Variants in PIEZO2 observed in about 807,000 individuals in gnomAD.
PIEZO2 encodes piezo-type mechanosensitive ion channel component 2.
Under a neutral mutation model 337.3 loss-of-function variants are expected in PIEZO2, and 172 were observed. That is an observed-to-expected ratio of 0.51 (90% CI 0.45 to 0.58). PIEZO2 has a LOEUF of 0.58. PIEZO2 is among the 20% of genes least tolerant of loss of function. The pLI is 0.00. For synonymous variants in PIEZO2, 1,251 were observed against 1,228.5 expected (o/e 1.02, Z -0.38); for missense variants, 3,028 against 3,391.3 (o/e 0.89, Z 2.66).
chr18:11,106,023 T>G (rs190624175), intron 1 of PIEZO2, among the ~76,000 whole-genome samples: 1 of 152,322 alleles, frequency 6.6e-6, no homozygotes, highest in African/African-American at 2.4e-5. Flanking sequence ...ATTTTGGCCA[T>G]TGTTCTCTTA....
At chr18:10,769,761 A>C (rs2038519629) in intron 21 of PIEZO2, 1 of 163,758 alleles carries the variant, frequency 6.1e-6, no homozygotes, top group South Asian at 1.9e-4. Context: ...ACTCTACTAA[A>C]GATTTTATTA....
In PIEZO2 at chr18:10,759,207, G is replaced by A. The variant is rs962164650; in HGVS notation, c.3757+275C>T. Among the ~76,000 whole-genome samples, 1 of 55,050 alleles carries A rather than the reference G, an allele frequency of 1.8e-5. No individual in the cohort carries two copies. The highest frequency in any genetic ancestry group is 3.9e-5 in the Non-Finnish European group (1 of 25,456). 36.1% of individuals were successfully genotyped at this position (55,050 alleles called of 152,430 possible). On this transcript the variant is annotated intron_variant, in intron 26 of 55. Transcript: ENST00000674853. This position sits in a 1 kb window ranked among gnomAD's most constrained non-coding sequence, Gnocchi z 5.5. ...TTTTGAAAGGTGGCTGTGTAAATGT[G>A]TGTGTGTGTGTGTGTGTGTGTTTGT... is the stretch of plus-strand genomic sequence containing the variant.
rs377236510 is a variant in PIEZO2, at chr18:10,839,093, C to G, written c.917+16260G>C. ...TTCCTCTGATGAGTTACATGTCAACCAACAGCTCTGCAAGGCATCTGCTAT... is the reference window on the plus strand; with the variant it reads ...TTCCTCTGATGAGTTACATGTCAACGAACAGCTCTGCAAGGCATCTGCTAT... On this transcript the variant is annotated intron_variant, in intron 7 of 55. Transcript: ENST00000674853. 4.1e-4 allele frequency among the ~76,000 whole-genome samples: 62 copies of G among 152,234 alleles called. No individual in the cohort carries two copies. In the East Asian group the frequency reaches 8.1e-3, roughly 20 times the overall value.
At chr18:10,774,280 A>G (rs1179268137) in intron 18 of PIEZO2, among the ~76,000 whole-genome samples, 1 of 152,184 alleles carries the variant, frequency 6.6e-6, no homozygotes, top group African/African-American at 2.4e-5. Context: ...TAAAGGAGAG[A>G]GCATACTGAG....
chr18:11,084,566 C>G (rs1440006124), intron 1 of PIEZO2, among the ~76,000 whole-genome samples: 1 of 152,174 alleles, frequency 6.6e-6, no homozygotes, highest in East Asian at 1.9e-4. Flanking sequence ...TCTCATCCCT[C>G]CCGCTTGAAT....
chr18:10,948,896 CATAACA>C (rs1229116726), intron 3 of PIEZO2, among the ~76,000 whole-genome samples: 1 of 152,180 alleles, frequency 6.6e-6, no homozygotes, highest in Non-Finnish European at 1.5e-5. Context: ...CCTTCACTTT[CATAACA>C]ATATATGTGA....
At chr18:10,680,490 A>G (rs1022590494) in intron 51 of PIEZO2, 119 bp from the exon 52 acceptor site, 22 of 938,320 alleles carry the variant, frequency 2.3e-5, no homozygotes, top group Non-Finnish European at 3.1e-5. Flanking sequence ...TGAAGGGAAT[A>G]TTTTTATAAT....
chr18:11,042,547 T>C (rs1377238650), intron 2 of PIEZO2, among the ~76,000 whole-genome samples: 1 of 152,234 alleles, frequency 6.6e-6, no homozygotes, highest in Non-Finnish European at 1.5e-5. Context: ...GATAATGCTG[T>C]CTGAGCTAGA....
At chr18:10,742,351 A>T (rs372805299) in intron 32 of PIEZO2, 143 bp downstream of exon 32, 1 of 902,250 alleles carries the variant, frequency 1.1e-6, no homozygotes. Context: ...TCCATTCACA[A>T]TGGGAAAATA....
intron 49 of PIEZO2, among the ~76,000 whole-genome samples, chr18:10,685,107 C>A (rs2034493273): frequency 6.6e-6 from 1 of 152,180 alleles, no homozygotes; most frequent in Non-Finnish European, 1.5e-5. Flanking sequence ...CTCGGACCAA[C>A]ATTTTGCCTT....
At chr18:10,684,326 T>C (rs557405746) in intron 49 of PIEZO2, among the ~76,000 whole-genome samples, 3,459 of 18,190 alleles carry the variant, frequency 0.19, 77 homozygotes, top group South Asian at 0.45. Flanking sequence ...CCACCATGCC[T>C]GGCTAATTTT....
intron 2 of PIEZO2, among the ~76,000 whole-genome samples, chr18:11,060,094 T>C (rs1045487919): frequency 6.6e-6 from 1 of 152,096 alleles, no homozygotes; most frequent in African/African-American, 2.4e-5. Flanking sequence ...GAACTCAGGA[T>C]TAAGAAACTC....
At chr18:10,693,219 G>A (rs1348860609) in intron 47 of PIEZO2, among the ~76,000 whole-genome samples, 2 of 152,052 alleles carry the variant, frequency 1.3e-5, no homozygotes, top group Non-Finnish European at 2.9e-5. Flanking sequence ...ATTGAGTTTT[G>A]TATGCTGGTT....
intron 3 of PIEZO2, among the ~76,000 whole-genome samples, chr18:10,964,361 C>A (rs2033913936): frequency 6.6e-6 from 1 of 151,998 alleles, no homozygotes; most frequent in African/African-American, 2.4e-5. Flanking sequence ...TAACAATTAA[C>A]AAAAATCTGT....
chr18:10,849,630 C>T lies in PIEZO2; in HGVS notation c.917+5723G>A, dbSNP rs192540914. Among the ~76,000 whole-genome samples, 17 of 152,302 alleles carry T rather than the reference C, an allele frequency of 1.1e-4. No individual in the cohort carries two copies. The East Asian group carries it at 3.3e-3, about 29-fold the overall frequency. ...CGGGGCCAGCCCTACAAGTAGGAAACGCATGAGGATATGCACACCTCGAGC... is the reference window on the plus strand; with the variant it reads ...CGGGGCCAGCCCTACAAGTAGGAAATGCATGAGGATATGCACACCTCGAGC... On this transcript the variant is annotated intron_variant, in intron 7 of 55. Coordinates refer to ENST00000674853, the MANE Select transcript of PIEZO2 (RefSeq NM_001378183.1).
intron 1 of PIEZO2, among the ~76,000 whole-genome samples, chr18:11,084,002 C>T (rs924889634): frequency 1.3e-5 from 2 of 151,922 alleles, no homozygotes; most frequent in Non-Finnish European, 2.9e-5. Flanking sequence ...TATGGCAAAA[C>T]CCTGTTTCTA....
chr18:11,079,834 T>C (rs537077712), intron 1 of PIEZO2, among the ~76,000 whole-genome samples: 3 of 152,272 alleles, frequency 2.0e-5, no homozygotes, highest in African/African-American at 7.2e-5. Flanking sequence ...AAAGGAATAA[T>C]TCAGTAAGGA....
chr18:10,762,875 C>T (rs2038195996), intron 22 of PIEZO2, 47 bp downstream of exon 22: 2 of 1,516,310 alleles, frequency 1.3e-6, no homozygotes, highest in Non-Finnish European at 1.8e-6. Context: ...ATCTGCCTTG[C>T]TTTGCTAAAG....
In PIEZO2 at chr18:10,714,467, T is replaced by G. The variant is rs78819123; in HGVS notation, c.5423+297A>C. ...TAAAGATGTCCCACAAATAATAACT[T>G]TGGGGTTGGGAGGGATCATTCTTCC... is the stretch of plus-strand genomic sequence containing the variant. On this transcript the variant is annotated intron_variant, in intron 39 of 55. Coordinates refer to ENST00000674853, the MANE Select transcript of PIEZO2 (RefSeq NM_001378183.1). Among the ~76,000 whole-genome samples the G allele has an allele frequency of 0.039, 5,868 of 152,158 alleles. 197 individuals carry two copies. The highest frequency in any genetic ancestry group is 0.1 in the Admixed American group (1,542 of 15,288).
Sources: allele counts gnomAD v4.1 joint callset (sites outside exome capture counted in the v4.1 genomes callset), GRCh38; gene constraint gnomAD v4.1.1; non-coding constraint Gnocchi (gnomAD v3.1); transcripts MANE v1.5; gene names NCBI Gene and HGNC (gene_info 2026-07-23, HGNC 2026-07-21).